PCYT1B: variants seen among roughly 807,000 people sequenced by gnomAD.
PCYT1B encodes phosphate cytidylyltransferase 1B, choline.
Under a neutral mutation model 26.4 loss-of-function variants are expected in PCYT1B, and 10 were observed. The observed-to-expected ratio is 0.38, with a 90% CI of 0.23 to 0.64. The LOEUF (loss-of-function observed/expected upper bound fraction) is 0.64, where lower values mean the gene tolerates loss of function less well. Ranked by LOEUF, PCYT1B falls within the 30% of genes least tolerant of loss-of-function variation. The pLI is 0.56. For missense variants in PCYT1B, 161 were observed against 292.7 expected (o/e 0.55, Z 3.28); for synonymous variants, 131 against 108.4 (o/e 1.21, Z -1.29).
intron 2 of PCYT1B, among the ~76,000 whole-genome samples, chrX:24,610,333 T>C (rs1453156695): frequency 8.9e-6 from 1 of 111,765 alleles, no homozygotes; most frequent in East Asian, 2.8e-4. Flanking sequence ...AGAGACTTTA[T>C]GTCAGATAGG....
intron 3 of PCYT1B, among the ~76,000 whole-genome samples, chrX:24,593,432 C>CCTTT (rs1182970709): frequency 2.2e-4 from 17 of 77,521 alleles, no homozygotes; most frequent in South Asian, 1.2e-3. Context: ...TTCTTTCTTT[C>CCTTT]CTTTCTTTCT....
chrX:24,630,491 T>G (rs1041225255), intron 1 of PCYT1B, among the ~76,000 whole-genome samples: 1 of 111,292 alleles, frequency 9.0e-6, no homozygotes, highest in African/African-American at 3.3e-5. Context: ...GAGATGGGGT[T>G]TCACCGTGTC....
intron 1 of PCYT1B, among the ~76,000 whole-genome samples, chrX:24,666,573 A>T (rs1927131273): frequency 9.3e-6 from 1 of 107,418 alleles, no homozygotes; most frequent in African/African-American, 3.4e-5. Context: ...ACCAATTTTT[A>T]AATTTTCTTT....
At chrX:24,607,929 C>A in intron 2 of PCYT1B, 68 bp from the exon 3 acceptor site, 1 of 556,128 alleles carries the variant, frequency 1.8e-6, no homozygotes. Flanking sequence ...TTCTATCAGT[C>A]GTAAGAAACT....
At chrX:24,671,117 A>G (rs905522379) in intron 1 of PCYT1B, among the ~76,000 whole-genome samples, 2 of 109,959 alleles carry the variant, frequency 1.8e-5, no homozygotes, top group Admixed American at 9.8e-5. Flanking sequence ...ACAGGTGCCC[A>G]CCACCATGCC....
intron 7 of PCYT1B, among the ~76,000 whole-genome samples, chrX:24,572,323 CA>C (rs1444380629): frequency 9.0e-5 from 10 of 111,072 alleles, no homozygotes. Context: ...CTTTAGCACA[CA>C]AATCCTTTGC....
chrX:24,572,937 T>TATATATAC (rs1274157411), intron 7 of PCYT1B, among the ~76,000 whole-genome samples: 7 of 103,169 alleles, frequency 6.8e-5, no homozygotes, highest in Admixed American at 2.2e-4. Context: ...TATATATATA[T>TATATATAC]ACACACACAC....
chrX:24,565,403 G>A (rs1333833976), intron 7 of PCYT1B, among the ~76,000 whole-genome samples: 1 of 111,476 alleles, frequency 9.0e-6, no homozygotes, highest in African/African-American at 3.3e-5. Flanking sequence ...GGGAAGAAGA[G>A]GGTAGAAGAG....
chrX:24,655,839 G>A (rs963603861), intron 1 of PCYT1B, among the ~76,000 whole-genome samples: 3 of 107,700 alleles, frequency 2.8e-5, no homozygotes, highest in African/African-American at 6.8e-5. Flanking sequence ...TCAAGAGCTC[G>A]GCTGATTCAG....
rs746734341 is a variant in PCYT1B at position 24,586,035 on chromosome X, CGCTGT to C, written c.565+1201_565+1205del. Among the ~76,000 whole-genome samples the C allele has an allele frequency of 7.2e-5, 8 of 111,874 alleles. No individual in the cohort carries two copies. The South Asian group carries it at 3.0e-3, about 42-fold the overall frequency. On this transcript the variant is annotated intron_variant, in intron 5 of 7. Transcript: ENST00000379144. ...TTAACATGTTTATTTTCTCCAGACACGCTGTGCTTCATACAGTCCCACCTTCGAAC... is the reference window on the plus strand; with the variant it reads ...TTAACATGTTTATTTTCTCCAGACACGCTTCATACAGTCCCACCTTCGAAC...
At chrX:24,583,780 G>T (rs1476568440) in intron 5 of PCYT1B, among the ~76,000 whole-genome samples, 2 of 111,782 alleles carry the variant, frequency 1.8e-5, no homozygotes, top group African/African-American at 6.5e-5. Context: ...TAACTCAGCT[G>T]GATGAGAATG....
Position 24,663,919 on chromosome X carries a change from A to AAAAACAAAACAAAACAAAACAAAAC in PCYT1B, c.63+8626_63+8650dup, listed in dbSNP as rs372746345. Among the ~76,000 whole-genome samples, 498 of 110,869 alleles carry AAAAACAAAACAAAACAAAACAAAAC rather than the reference A, an allele frequency of 4.5e-3. 3 individuals are homozygous for AAAAACAAAACAAAACAAAACAAAAC. The highest frequency in any genetic ancestry group is 0.015 in the African/African-American group (468 of 30,343). ...GGGTGACAGAGCGAGATTCCGTCTC[A>AAAAACAAAACAAAACAAAACAAAAC]AAAACAAAACAAAACAAAACAAAAC... On this transcript the variant is annotated intron_variant, in intron 1 of 7. Transcript: ENST00000379145.
chrX:24,563,506 G>A, intron 7 of PCYT1B, among the ~76,000 whole-genome samples: 1 of 111,918 alleles, frequency 8.9e-6, no homozygotes, highest in African/African-American at 3.2e-5. Flanking sequence ...AGGAGCTGAG[G>A]GAGGCGGTTG....
At chrX:24,625,042 A>G (rs981611281) in intron 1 of PCYT1B, among the ~76,000 whole-genome samples, 1 of 112,814 alleles carries the variant, frequency 8.9e-6, no homozygotes, top group Non-Finnish European at 1.9e-5. Flanking sequence ...TTAGAAGCAT[A>G]GAAATCAATT....
chrX:24,622,148 C>A (rs1050712293), intron 1 of PCYT1B, among the ~76,000 whole-genome samples: 2 of 111,659 alleles, frequency 1.8e-5, no homozygotes, highest in Non-Finnish European at 3.8e-5. Flanking sequence ...GCAATGTGCT[C>A]AGAATGGGGA....
At chrX:24,624,024 T>G (rs990416312) in intron 1 of PCYT1B, among the ~76,000 whole-genome samples, 14 of 100,278 alleles carry the variant, frequency 1.4e-4, no homozygotes, top group Non-Finnish European at 2.4e-4. Flanking sequence ...CAGGCTGGAG[T>G]GCAGTGGCGC....
intron 1 of PCYT1B, among the ~76,000 whole-genome samples, chrX:24,664,952 T>A (rs1927097298): frequency 9.1e-6 from 1 of 110,028 alleles, no homozygotes; most frequent in African/African-American, 3.3e-5. Flanking sequence ...AGCAAGACTG[T>A]CTCAAAAAAA....
At chrX:24,616,861 C>T (rs1317100973) in intron 2 of PCYT1B, among the ~76,000 whole-genome samples, 1 of 112,163 alleles carries the variant, frequency 8.9e-6, no homozygotes, top group African/African-American at 3.2e-5. Context: ...CTCTGCTCCT[C>T]ACTTCACTCT....
intron 7 of PCYT1B, among the ~76,000 whole-genome samples, chrX:24,566,505 A>G (rs1602145795): frequency 8.9e-6 from 1 of 112,103 alleles, no homozygotes; most frequent in African/African-American, 3.2e-5. Context: ...AAATGCTAAC[A>G]GAGAGACTGC....
Sources: allele counts gnomAD v4.1 joint callset (sites outside exome capture counted in the v4.1 genomes callset), GRCh38; gene constraint gnomAD v4.1.1; transcripts MANE v1.5; gene names NCBI Gene and HGNC (gene_info 2026-07-23, HGNC 2026-07-21).